Variants in PID1 observed in about 807,000 individuals in gnomAD.
PID1 encodes PTB-containing, cubilin and LRP1-interacting protein.
A neutral mutation model predicts 19.1 loss-of-function variants in PID1; 10 were observed. That is an observed-to-expected ratio of 0.52 (90% CI 0.32 to 0.89). The LOEUF is 0.89. Among genes scored for constraint, PID1 ranks in the 40% least tolerant of loss-of-function variants. The pLI is 0.03. For missense variants in PID1, 248 were observed against 285.3 expected (o/e 0.87, Z 0.94); for synonymous variants, 130 against 116.0 (o/e 1.12, Z -0.78).
Position 229,072,315 on chromosome 2 carries a change from G to A in PID1, c.178-46207C>T, listed in dbSNP as rs144012927. ...AATTGTATAAAACTATAGGCCAGGC[G>A]TGGTGGCTCATGTCTGTAATTCCAG... On this transcript the variant is annotated intron_variant, in intron 2 of 2. Transcript: ENST00000392055. Among the ~76,000 whole-genome samples the A allele has an allele frequency of 1.4e-4, 22 of 152,284 alleles. No individual in the cohort carries two copies. The East Asian group carries it at 1.5e-3, about 11-fold the overall frequency.
At chr2:229,044,118 T>C (rs1693827556) in intron 2 of PID1, among the ~76,000 whole-genome samples, 1 of 152,190 alleles carries the variant, frequency 6.6e-6, no homozygotes, top group Admixed American at 6.5e-5. Flanking sequence ...TTATGATGAA[T>C]GTCCTTGTAA....
At chr2:229,141,698 C>G (rs1690015227) in intron 2 of PID1, among the ~76,000 whole-genome samples, 1 of 152,012 alleles carries the variant, frequency 6.6e-6, no homozygotes, top group South Asian at 2.1e-4. Flanking sequence ...TTTCCTGGCT[C>G]CCAGGATGAT....
chr2:229,101,036 T>C (rs538516556), intron 2 of PID1, among the ~76,000 whole-genome samples: 20 of 152,272 alleles, frequency 1.3e-4, no homozygotes, highest in Non-Finnish European at 2.6e-4. Flanking sequence ...TTTTGCACCA[T>C]CCAGGCAGTT....
chr2:229,056,611 TAATA>T (rs1245343575), intron 2 of PID1, among the ~76,000 whole-genome samples: 1 of 122,558 alleles, frequency 8.2e-6, no homozygotes, highest in Non-Finnish European at 1.9e-5. Context: ...TAAATAAAAA[TAATA>T]TATATATATA....
At chr2:229,101,994 A>C (rs1203606576) in intron 2 of PID1, among the ~76,000 whole-genome samples, 1 of 152,164 alleles carries the variant, frequency 6.6e-6, no homozygotes, top group African/African-American at 2.4e-5. Flanking sequence ...AAATGTAGAG[A>C]GGAAGGGAGA....
intron 1 of PID1, among the ~76,000 whole-genome samples, chr2:229,201,701 C>A (rs1023228808): frequency 6.6e-6 from 1 of 152,066 alleles, no homozygotes; most frequent in African/African-American, 2.4e-5. Context: ...GGAACTGCCA[C>A]GCTGCTTTCC....
At chr2:229,076,947 T>A (rs1022925029) in intron 2 of PID1, among the ~76,000 whole-genome samples, 1 of 152,206 alleles carries the variant, frequency 6.6e-6, no homozygotes, top group Non-Finnish European at 1.5e-5. Context: ...TATTTCTAGT[T>A]CTAGATTCTT....
At chr2:229,118,246 C>A (rs1196547334) in intron 2 of PID1, among the ~76,000 whole-genome samples, 1 of 152,124 alleles carries the variant, frequency 6.6e-6, no homozygotes, top group Non-Finnish European at 1.5e-5. Flanking sequence ...AGAATAATGA[C>A]AGGAAATGGA....
intron 1 of PID1, among the ~76,000 whole-genome samples, chr2:229,220,207 C>CA (rs1691937079): frequency 6.6e-6 from 1 of 151,976 alleles, no homozygotes; most frequent in Non-Finnish European, 1.5e-5. Flanking sequence ...TTTGTATAGA[C>CA]AGAGTCTTAC....
chr2:229,241,607 A>ATCCT (rs932428447), intron 1 of PID1, among the ~76,000 whole-genome samples: 5 of 152,168 alleles, frequency 3.3e-5, no homozygotes, highest in Admixed American at 3.3e-4. Context: ...CTCAAACTAT[A>ATCCT]TCCTTTCCTG....
At chr2:229,027,182 C>G (rs978424731) in intron 2 of PID1, among the ~76,000 whole-genome samples, 2 of 152,136 alleles carry the variant, frequency 1.3e-5, no homozygotes, top group African/African-American at 4.8e-5. Flanking sequence ...TGGGACAATA[C>G]AGGCCACATA....
chr2:229,255,056 A>G (rs944854861), intron 1 of PID1, among the ~76,000 whole-genome samples: 6 of 152,186 alleles, frequency 3.9e-5, no homozygotes, highest in Non-Finnish European at 5.9e-5. Context: ...ATAGTTATCA[A>G]TAGAGTTCAC....
At chr2:229,152,525 A>G (rs544031416) in intron 2 of PID1, among the ~76,000 whole-genome samples, 85 of 152,308 alleles carry the variant, frequency 5.6e-4, no homozygotes, top group African/African-American at 2.0e-3. Flanking sequence ...CCATCTTGCT[A>G]GATAGGAGGA....
chr2:229,074,490 A>T (rs964812651), intron 2 of PID1, among the ~76,000 whole-genome samples: 1 of 152,210 alleles, frequency 6.6e-6, no homozygotes, highest in South Asian at 2.1e-4. Flanking sequence ...TTTTAAATGT[A>T]GTATTCTTAA....
chr2:229,195,527 G>A (rs1417498289), intron 1 of PID1, among the ~76,000 whole-genome samples: 2 of 151,714 alleles, frequency 1.3e-5, no homozygotes, highest in South Asian at 2.1e-4. Context: ...TACTGTGCAC[G>A]ATGTTCCCTA....
At chr2:229,199,751 T>C (rs867642415) in intron 1 of PID1, among the ~76,000 whole-genome samples, 31 of 140,212 alleles carry the variant, frequency 2.2e-4, no homozygotes, top group African/African-American at 5.1e-4. Context: ...TATATACACA[T>C]ACACACACAC....
chr2:229,247,342 A>G (rs1046791071), intron 1 of PID1, among the ~76,000 whole-genome samples: 1 of 152,192 alleles, frequency 6.6e-6, no homozygotes, highest in African/African-American at 2.4e-5. Flanking sequence ...CTCCTCTCAC[A>G]TGGCTTAAAA....
At chr2:229,233,838 T>C (rs541963764) in intron 1 of PID1, among the ~76,000 whole-genome samples, 1 of 152,304 alleles carries the variant, frequency 6.6e-6, no homozygotes, top group East Asian at 1.9e-4. Context: ...AAACCTCTAC[T>C]ACCAGCATGT....
intron 1 of PID1, among the ~76,000 whole-genome samples, chr2:229,201,994 T>C (rs1691508435): frequency 1.3e-5 from 2 of 152,092 alleles, no homozygotes; most frequent in Non-Finnish European, 2.9e-5. Context: ...TTTTTAGGCC[T>C]AGGCTTTCCT....
Sources: allele counts gnomAD v4.1 joint callset (sites outside exome capture counted in the v4.1 genomes callset), GRCh38; gene constraint gnomAD v4.1.1; transcripts MANE v1.5; gene names NCBI Gene and HGNC (gene_info 2026-07-23, HGNC 2026-07-21).